The following ZNF786 variants were observed in gnomAD, a reference collection of about 807,000 sequenced individuals.
The protein encoded by ZNF786 is zinc finger protein 786.
Under a neutral mutation model 63.1 loss-of-function variants are expected in ZNF786, and 56 were observed. The observed-to-expected ratio is 0.89, with a 90% CI of 0.72 to 1.11. ZNF786 has a LOEUF of 1.11. ZNF786 is among the 50% of genes least tolerant of loss of function. The pLI is 0.00. For synonymous variants in ZNF786, 485 were observed against 406.9 expected, an observed-to-expected ratio of 1.19 and a Z score of -2.31; for missense variants, 1,213 against 1,041.8, an observed-to-expected ratio of 1.16 and a Z score of -2.26.
chr7:149,074,832 T>TA (rs1298143578), intron 2 of ZNF786, among the ~76,000 whole-genome samples: 8 of 151,222 alleles, frequency 5.3e-5, no homozygotes, highest in Non-Finnish European at 1.0e-4. Context: ...TATATATATA[T>TA]TTTTAAAATT....
Position 149,072,471 on chromosome 7 carries a change from T to C in ZNF786, c.301A>G (p.Ser101Gly). 6.3e-7 allele frequency: 1 copy of C among 1,575,186 alleles called. No homozygotes were observed. Among genetic ancestry groups the C allele is most frequent in the Non-Finnish European group, 8.6e-7 (1 of 1,163,900 alleles). Residue 101 changes from serine (S) to glycine (G), a missense_variant and splice_region_variant, in exon 4 of 4, where the codon AGC (serine) becomes GGC (glycine). Ser to Gly is a moderately conservative substitution (Grantham distance 56, BLOSUM62 0). Coordinates refer to ENST00000491431, the MANE Select transcript of ZNF786 (RefSeq NM_152411.4). ...TTTCCTGAATTCATAGCCTGCTGGCTTCCTGCAATTGAAAACAAAAATTCA... is the reference window on the plus strand; with the variant it reads ...TTTCCTGAATTCATAGCCTGCTGGCCTCCTGCAATTGAAAACAAAAATTCA... ...PGFEEQLFWGSQQAMNSGKTK... is the reference protein window; with the variant it reads ...PGFEEQLFWGGQQAMNSGKTK...
intron 1 of ZNF786, among the ~76,000 whole-genome samples, chr7:149,090,136 A>C (rs970699772): frequency 6.6e-6 from 1 of 152,198 alleles, no homozygotes; most frequent in African/African-American, 2.4e-5. Context: ...TACTCTTCCC[A>C]ACGTATCATC....
chr7:149,086,860 G>A (rs1452707029), intron 1 of ZNF786, among the ~76,000 whole-genome samples: 3 of 123,696 alleles, frequency 2.4e-5, no homozygotes, highest in Non-Finnish European at 5.1e-5. Flanking sequence ...TTTTTTTTTT[G>A]AGATAGAGTC....
At position 149,072,115 on chromosome 7, in the gene ZNF786, C is replaced by T. The variant is rs774296074; in HGVS notation, c.657G>A (p.Glu219=). ...HSKDRTRRAW[E]KFNKRAETQM... ...GCGTCTCCGCCCTCTTGTTGAATTTCTCCCAGGCCCTACGTGTCCGGTCCT... is the reference window on the plus strand; with the variant it reads ...GCGTCTCCGCCCTCTTGTTGAATTTTTCCCAGGCCCTACGTGTCCGGTCCT... Residue 219 remains glutamate, a synonymous_variant, in exon 4 of 4, where the codon GAG becomes GAA. Coordinates refer to ENST00000491431, the MANE Select transcript of ZNF786 (RefSeq NM_152411.4). 6.2e-7 allele frequency: 1 copy of T among 1,613,198 alleles called. No individual in the cohort carries two copies. Among genetic ancestry groups the T allele is most frequent in the Admixed American group, 1.7e-5 (1 of 59,856 alleles).
Position 149,090,701 on chromosome 7 carries a change from C to G in ZNF786, c.-61G>C. ...ACCGTCTCCGGCGGCTCCGCAGGAA[C>G]CTGCCCTGCTGCGCACTGACTCCCC... is the stretch of plus-strand genomic sequence containing the variant. On this transcript the variant is annotated 5_prime_UTR_variant, in exon 1 of 4. Transcript: ENST00000491431. The G allele has an allele frequency of 6.5e-7, 1 of 1,543,490 alleles. No individual in the cohort carries two copies. Among genetic ancestry groups the G allele is most frequent in the Non-Finnish European group, 8.8e-7 (1 of 1,141,866 alleles).
rs756529213 is a variant in ZNF786 at position 149,071,462 on chromosome 7, T to A, written c.1310A>T (p.Gln437Leu). The change falls in exon 4 of 4, where the codon CAG (glutamine) becomes CTG (leucine). Residue 437 changes from glutamine (Q) to leucine (L), a missense_variant. By Grantham distance (113) the Gln-to-Leu change is moderately radical (BLOSUM62 -2). Coordinates refer to ENST00000491431, the MANE Select transcript of ZNF786 (RefSeq NM_152411.4). ...TCGAATGTGCTCCGTGAGTTTACACTGCTTGGCGAAGCCCTTGCCACACTT... is the reference window on the plus strand; with the variant it reads ...TCGAATGTGCTCCGTGAGTTTACACAGCTTGGCGAAGCCCTTGCCACACTT... Reference protein sequence around the residue: ...CRKCGKGFAKQCKLTEHIRVH... With the variant: ...CRKCGKGFAKLCKLTEHIRVH... 1 of 1,613,180 alleles carries A rather than the reference T, an allele frequency of 6.2e-7. No homozygotes were observed. The highest frequency in any genetic ancestry group is 1.3e-5 in the African/African-American group (1 of 74,808).
chr7:149,071,702 T>C lies in ZNF786; in HGVS notation c.1070A>G (p.Asp357Gly). The C allele has an allele frequency of 6.3e-7, 1 of 1,575,492 alleles. No individual in the cohort carries two copies. The highest frequency in any genetic ancestry group is 8.6e-7 in the Non-Finnish European group (1 of 1,168,544). The change falls in exon 4 of 4, where the codon GAC becomes GGC. Residue 357 changes from aspartate (D) to glycine (G), a missense_variant. Asp to Gly is a moderately conservative substitution (Grantham distance 94). Transcript: ENST00000491431. ...TGCGCCATGCTGCAGCGCCTCCGTG[T>C]CCCCTTCCTGGTGGCTGTTCCCCTC... ...PQEGNSHQEGDTEALQHGAEG... is the reference protein window; with the variant it reads ...PQEGNSHQEGGTEALQHGAEG...
At position 149,071,799 on chromosome 7, in the gene ZNF786, A is replaced by T. The variant is rs747083295; in HGVS notation, c.973T>A (p.Ser325Thr). The T allele has an allele frequency of 6.3e-7, 1 of 1,584,380 alleles. No individual in the cohort carries two copies. The highest frequency in any genetic ancestry group is 8.5e-7 in the Non-Finnish European group (1 of 1,170,484). The change falls in exon 4 of 4, where the codon TCT becomes ACT. Residue 325 changes from serine (S) to threonine (T), a missense_variant. Ser to Thr is a moderately conservative substitution (Grantham distance 58). Coordinates refer to ENST00000491431, the MANE Select transcript of ZNF786 (RefSeq NM_152411.4). ...GAGGCCCCGCGGCCTTCTCTCCAAGAGGCCGGCCCCTCCCGGCTGTGCTGG... is the reference window on the plus strand; with the variant it reads ...GAGGCCCCGCGGCCTTCTCTCCAAGTGGCCGGCCCCTCCCGGCTGTGCTGG... Reference protein sequence around the residue: ...RCQHSREGPASWREGRGASSS... With the variant: ...RCQHSREGPATWREGRGASSS...
rs776244491 is a variant in ZNF786, at chr7:149,071,198, C to A, written c.1574G>T (p.Arg525Leu). The A allele has an allele frequency of 6.8e-6, 11 of 1,610,850 alleles. No homozygotes were observed. Among genetic ancestry groups the A allele is most frequent in the Admixed American group, 5.0e-5 (3 of 59,942 alleles). The change falls in exon 4 of 4, where the codon CGT becomes CTT. Residue 525 changes from arginine to leucine, a missense_variant. By Grantham distance (102) the Arg-to-Leu change is moderately radical. Transcript: ENST00000491431. ...CCCGCTGTGCACTCTCAGGTGCTCA[C>A]GGAGCTTGCACTGGTGGGTGAAGCC... ...GRGFTHQCKLREHLRVHSGER... is the reference protein window; with the variant it reads ...GRGFTHQCKLLEHLRVHSGER...
At position 149,081,233 on chromosome 7, in the gene ZNF786, C is replaced by T. The variant is rs755689408; in HGVS notation, c.19-516G>A. ...CGGGCAGATCACGAGGTCAGGAGTT[C>T]GAGATCAGCCTGACCAACGTGGTGA... On this transcript the variant is annotated intron_variant, in intron 1 of 3. Coordinates refer to ENST00000491431, the MANE Select transcript of ZNF786 (RefSeq NM_152411.4). 15 of 448,578 alleles carry T rather than the reference C, an allele frequency of 3.3e-5. 1 individual carries two copies. Among genetic ancestry groups the T allele is most frequent in the Non-Finnish European group, 5.8e-5 (13 of 224,694 alleles). The allele number at this position is 448,578 out of a possible 1,614,324, so 27.8% of individuals were successfully genotyped here. A position where few individuals can be genotyped will look rare whatever the true frequency, so the allele number is the denominator to read the frequency against.
At chr7:149,079,535 A>T (rs1254025927) in intron 2 of ZNF786, among the ~76,000 whole-genome samples, 1 of 151,476 alleles carries the variant, frequency 6.6e-6, no homozygotes, top group African/African-American at 2.4e-5. Context: ...AGGACATCCA[A>T]TACCATACCC....
Position 149,071,714 on chromosome 7 carries a change from T to TGGCTGTTCCCCTCCTGGGGCAGGCGC in ZNF786, c.1032_1057dup (p.His353ArgfsTer37). 1 of 1,581,320 alleles carries TGGCTGTTCCCCTCCTGGGGCAGGCGC rather than the reference T, an allele frequency of 6.3e-7. No homozygotes were observed. Among genetic ancestry groups the TGGCTGTTCCCCTCCTGGGGCAGGCGC allele is most frequent in the Non-Finnish European group, 8.5e-7 (1 of 1,171,632 alleles). On this transcript the variant is annotated frameshift_variant, in exon 4 of 4. Coordinates refer to ENST00000491431, the MANE Select transcript of ZNF786 (RefSeq NM_152411.4). LOFTEE classifies it high-confidence loss of function. ...CAGCGCCTCCGTGTCCCCTTCCTGG[T>TGGCTGTTCCCCTCCTGGGGCAGGCGC]GGCTGTTCCCCTCCTGGGGCAGGCG...
intron 3 of ZNF786, among the ~76,000 whole-genome samples, chr7:149,073,775 ATATATG>A (rs1385571502): frequency 0.012 from 1,202 of 102,590 alleles, 8 homozygotes; most frequent in East Asian, 0.021. Context: ...ATATATATAT[ATATATG>A]TATATATATA....
Position 149,075,655 on chromosome 7 carries a change from G to GTGTTT in ZNF786, c.146-1118_146-1117insAAACA, listed in dbSNP as rs1307454049. 3.7e-4 allele frequency among the ~76,000 whole-genome samples: 26 copies of GTGTTT among 69,454 alleles called. 1 individual carries two copies. Among genetic ancestry groups the GTGTTT allele is most frequent in the African/African-American group, 1.5e-3 (26 of 16,872 alleles). 45.6% of individuals were successfully genotyped at this position (69,454 alleles called of 152,430 possible). A position where few individuals can be genotyped will look rare whatever the true frequency, so the allele number is the denominator to read the frequency against. ...ATCCTACTGTGCTGACACACTTCAG[G>GTGTTT]TTTTTTTTTTTTTTTTTTTTTTTTT... On this transcript the variant is annotated intron_variant, in intron 2 of 3. Transcript: ENST00000491431.
At chr7:149,073,902 T>A (rs1472330111) in intron 3 of ZNF786, among the ~76,000 whole-genome samples, 2 of 150,470 alleles carry the variant, frequency 1.3e-5, no homozygotes, top group African/African-American at 4.9e-5. Flanking sequence ...GCAATTCTTC[T>A]CCCTCAGCCT....
intron 1 of ZNF786, among the ~76,000 whole-genome samples, chr7:149,087,811 G>A (rs1177688816): frequency 8.2e-6 from 1 of 121,736 alleles, no homozygotes; most frequent in South Asian, 2.6e-4. Flanking sequence ...TTTTTTTTTT[G>A]AAACGGGGGT....
intron 2 of ZNF786, among the ~76,000 whole-genome samples, chr7:149,075,655 GT>G (rs1165713050): frequency 8.1e-3 from 563 of 69,268 alleles, no homozygotes; most frequent in Middle Eastern, 0.021. Context: ...CACACTTCAG[GT>G]TTTTTTTTTT....
intron 3 of ZNF786, among the ~76,000 whole-genome samples, chr7:149,072,960 G>A (rs927884381): frequency 6.6e-6 from 1 of 152,130 alleles, no homozygotes; most frequent in East Asian, 1.9e-4. Flanking sequence ...CCAGTGTATC[G>A]CATTCTGATG....
chr7:149,082,714 G>T (rs1585469155), intron 1 of ZNF786, among the ~76,000 whole-genome samples: 1 of 151,578 alleles, frequency 6.6e-6, no homozygotes, highest in East Asian at 1.9e-4. Context: ...CTGAGTAGCT[G>T]GGACTACATG....
Sources: gnomAD v4.1 joint callset for allele counts (sites outside exome capture counted in the v4.1 genomes callset) on GRCh38, gnomAD v4.1.1 for gene constraint, MANE v1.5 for transcripts, NCBI Gene and HGNC (gene_info 2026-07-23, HGNC 2026-07-21) for gene names.